Variants in DACH1 observed in about 807,000 individuals in gnomAD.
The protein encoded by DACH1 is dachshund homolog 1.
A neutral mutation model predicts 54.2 loss-of-function variants in DACH1; 12 were observed. The ratio of observed to expected loss-of-function variants is 0.22; its 90% CI spans 0.14 to 0.36. The LOEUF is 0.36. Ranked by LOEUF, DACH1 falls within the 10% of genes least tolerant of loss-of-function variation. The probability of loss-of-function intolerance (pLI) is 1.00; values close to 1 mark genes in which losing one functional copy is unlikely to be tolerated. For missense variants in DACH1, 805 were observed against 929.8 expected (o/e 0.87, Z 1.75); for synonymous variants, 386 against 366.2 (o/e 1.05, Z -0.62).
intron 1 of DACH1, among the ~76,000 whole-genome samples, chr13:71,802,000 G>C (rs192808746): frequency 1.3e-5 from 2 of 152,172 alleles, no homozygotes; most frequent in Non-Finnish European, 1.5e-5. Context: ...AACAAAAGCC[G>C]AGGAGCTCCA....
At chr13:71,555,707 A>C (rs1884202562) in intron 6 of DACH1, among the ~76,000 whole-genome samples, 1 of 152,136 alleles carries the variant, frequency 6.6e-6, no homozygotes, top group Non-Finnish European at 1.5e-5. Flanking sequence ...AGTATAGGTC[A>C]AAATAAATAT....
intron 10 of DACH1, among the ~76,000 whole-genome samples, chr13:71,471,073 C>A (rs923531977): frequency 4.0e-5 from 6 of 151,786 alleles, no homozygotes; most frequent in Admixed American, 3.9e-4. Flanking sequence ...TAAGTAAAGG[C>A]AAGGAAGAAG....
At chr13:71,531,954 A>ATG (rs1454982760) in intron 6 of DACH1, among the ~76,000 whole-genome samples, 1 of 151,904 alleles carries the variant, frequency 6.6e-6, no homozygotes, top group Non-Finnish European at 1.5e-5. Context: ...ATGTGCATGT[A>ATG]TGTGTGTATA....
At chr13:71,546,736 A>T (rs970239462) in intron 6 of DACH1, among the ~76,000 whole-genome samples, 1 of 152,104 alleles carries the variant, frequency 6.6e-6, no homozygotes, top group African/African-American at 2.4e-5. Context: ...TTAACTAAGC[A>T]AAGTGATCTA....
intron 3 of DACH1, among the ~76,000 whole-genome samples, chr13:71,618,151 C>A (rs1875923712): frequency 1.3e-5 from 2 of 152,198 alleles, no homozygotes; most frequent in African/African-American, 4.8e-5. Flanking sequence ...AGATATACCC[C>A]TTGCTCATCC....
chr13:71,525,460 A>AT (rs2138291767), intron 6 of DACH1, among the ~76,000 whole-genome samples: 1 of 152,270 alleles, frequency 6.6e-6, no homozygotes, highest in Admixed American at 6.5e-5. Flanking sequence ...AATAAATATT[A>AT]TTTTAAACAA....
chr13:71,701,683 T>C (rs1882142533), intron 1 of DACH1, among the ~76,000 whole-genome samples: 1 of 152,120 alleles, frequency 6.6e-6, no homozygotes, highest in East Asian at 1.9e-4. Flanking sequence ...ATAGAGTTTC[T>C]GGAGGTAGAA....
intron 1 of DACH1, among the ~76,000 whole-genome samples, chr13:71,707,335 C>A (rs2138767856): frequency 6.6e-6 from 1 of 152,356 alleles, no homozygotes; most frequent in Middle Eastern, 3.4e-3. Context: ...GCTCTGCTGT[C>A]AGCATCTTGA....
At chr13:71,681,987 A>G (rs1372806705) in intron 1 of DACH1, 77 bp from the exon 2 acceptor site, 20 of 788,086 alleles carry the variant, frequency 2.5e-5, no homozygotes, top group Non-Finnish European at 4.0e-5. Context: ...TCAAGTGGTA[A>G]CATGGACTGT....
At chr13:71,754,083 A>G (rs953062726) in intron 1 of DACH1, among the ~76,000 whole-genome samples, 7 of 152,156 alleles carry the variant, frequency 4.6e-5, no homozygotes, top group Non-Finnish European at 8.8e-5. Context: ...CTGGAGTATT[A>G]CTTTTATTTT....
At chr13:71,779,482 C>CT (rs1413943228) in intron 1 of DACH1, among the ~76,000 whole-genome samples, 1 of 151,058 alleles carries the variant, frequency 6.6e-6, no homozygotes, top group Admixed American at 6.6e-5. Flanking sequence ...GCAAAATATA[C>CT]TTTGAGTAAG....
intron 1 of DACH1, among the ~76,000 whole-genome samples, chr13:71,825,826 A>C (rs923994466): frequency 6.6e-6 from 1 of 152,154 alleles, no homozygotes; most frequent in Admixed American, 6.6e-5. Context: ...ACACCTAAAA[A>C]AGTCTAAAAA....
intron 1 of DACH1, among the ~76,000 whole-genome samples, chr13:71,785,009 T>C (rs1225740266): frequency 6.6e-6 from 1 of 152,148 alleles, no homozygotes; most frequent in Admixed American, 6.5e-5. Flanking sequence ...TATAAAAATA[T>C]ATAATGGGAT....
chr13:71,467,182 G>A (rs1876656784), intron 10 of DACH1, among the ~76,000 whole-genome samples: 1 of 151,458 alleles, frequency 6.6e-6, no homozygotes, highest in Non-Finnish European at 1.5e-5. Flanking sequence ...ACCCACAAGA[G>A]GCCTTCAGCA....
chr13:71,811,487 G>C (rs746948116), intron 1 of DACH1, among the ~76,000 whole-genome samples: 1 of 152,064 alleles, frequency 6.6e-6, no homozygotes, highest in Non-Finnish European at 1.5e-5. Context: ...AAAGCTCTCT[G>C]AGAGCTGCAT....
chr13:71,732,234 C>A (rs1459373635), intron 1 of DACH1, among the ~76,000 whole-genome samples: 1 of 152,054 alleles, frequency 6.6e-6, no homozygotes, highest in Non-Finnish European at 1.5e-5. Context: ...TCCTTCATTA[C>A]CTCTTCTACT....
At chr13:71,576,115 A>G (rs1885512109) in intron 3 of DACH1, among the ~76,000 whole-genome samples, 2 of 152,128 alleles carry the variant, frequency 1.3e-5, no homozygotes, top group African/African-American at 4.8e-5. Flanking sequence ...TTTAAAATTC[A>G]TATTTACTAT....
chr13:71,747,801 C>G (rs1884663017), intron 1 of DACH1, among the ~76,000 whole-genome samples: 1 of 152,120 alleles, frequency 6.6e-6, no homozygotes, highest in Non-Finnish European at 1.5e-5. Flanking sequence ...CCTCCTTTCT[C>G]TGGGAATTTT....
intron 1 of DACH1, among the ~76,000 whole-genome samples, chr13:71,771,665 T>C: frequency 6.6e-6 from 1 of 151,480 alleles, no homozygotes; most frequent in East Asian, 1.9e-4. Context: ...CCTAACATAA[T>C]TAAGATATAG....
Sources: allele counts gnomAD v4.1 joint callset (sites outside exome capture counted in the v4.1 genomes callset), GRCh38; gene constraint gnomAD v4.1.1; transcripts MANE v1.5; gene names NCBI Gene and HGNC (gene_info 2026-07-23, HGNC 2026-07-21).